NEK10: variants seen among roughly 807,000 people sequenced by gnomAD.
NEK10 encodes serine/threonine-protein kinase Nek10.
Under a neutral mutation model 159.8 loss-of-function variants are expected in NEK10, and 122 were observed. The ratio of observed to expected loss-of-function variants is 0.76; its 90% CI spans 0.66 to 0.89. The LOEUF is 0.89. Among genes scored for constraint, NEK10 ranks in the 40% least tolerant of loss-of-function variants. NEK10 has a pLI of 0.00. For synonymous variants in NEK10, 466 were observed against 457.1 expected (o/e 1.02, Z -0.25); for missense variants, 1,342 against 1,323.1 (o/e 1.01, Z -0.22).
chr3:27,124,293 A>G (rs1359492664), intron 32 of NEK10, among the ~76,000 whole-genome samples: 1 of 152,204 alleles, frequency 6.6e-6, no homozygotes, highest in Admixed American at 6.5e-5. Context: ...AAGATCAGCA[A>G]AGAAGCTGTG....
At chr3:27,264,422 T>C (rs2040703154) in intron 22 of NEK10, among the ~76,000 whole-genome samples, 1 of 152,022 alleles carries the variant, frequency 6.6e-6, no homozygotes, top group Non-Finnish European at 1.5e-5. Context: ...TCCAGTGACA[T>C]ATAAAAAGCA....
At chr3:27,116,166 T>C (rs1185382838) in intron 33 of NEK10, 39 bp from the exon 34 acceptor site, 1 of 1,589,548 alleles carries the variant, frequency 6.3e-7, no homozygotes, top group South Asian at 1.1e-5. Flanking sequence ...ACATTTGGGT[T>C]CACATTTTCT....
chr3:27,174,791 C>T lies in NEK10; in HGVS notation c.2548G>A (p.Ala850Thr), dbSNP rs757113691. Residue 850 changes from alanine (A) to threonine (T), a missense_variant, in exon 27 of 36, where the codon GCA becomes ACA. Ala to Thr is a moderately conservative substitution (Grantham distance 58). Transcript: ENST00000691995. ...KASLSSSSSG[A>T]ASLKSELSES... The stretch of plus-strand genomic sequence containing the variant: ...GAAAGTTCACTTTTCAGGCTGGCTG[C>T]TCCACTGCTGCTGCTACTCAAACTT... 12 of 1,609,496 alleles carry T rather than the reference C, an allele frequency of 7.5e-6. No individual in the cohort carries two copies. In the East Asian group the frequency reaches 2.5e-4, roughly 33 times the overall value.
intron 1 of NEK10, among the ~76,000 whole-genome samples, chr3:27,358,763 A>C (rs1481443025): frequency 6.6e-6 from 1 of 152,368 alleles, no homozygotes; most frequent in Non-Finnish European, 1.5e-5. Context: ...TATTTACTAA[A>C]TATAAAACAG....
At chr3:27,113,622 T>A (rs1365261024) in intron 35 of NEK10, among the ~76,000 whole-genome samples, 2 of 152,140 alleles carry the variant, frequency 1.3e-5, no homozygotes, top group Non-Finnish European at 2.9e-5. Context: ...TATAACTGAA[T>A]AATTTTTTGC....
intron 13 of NEK10, 65 bp from the exon 14 acceptor site, chr3:27,297,305 C>T: frequency 9.6e-7 from 1 of 1,038,346 alleles, no homozygotes; most frequent in Non-Finnish European, 1.5e-6. Context: ...CACATAAATA[C>T]TCTTACTCCA....
At chr3:27,257,359 T>C (rs542494032) in intron 22 of NEK10, among the ~76,000 whole-genome samples, 1 of 152,222 alleles carries the variant, frequency 6.6e-6, no homozygotes, top group Non-Finnish European at 1.5e-5. Context: ...AGTGCAAGAA[T>C]TCAAGTTGTT....
At position 27,192,125 on chromosome 3, in the gene NEK10, C is replaced by T; in HGVS notation, c.2409G>A (p.Lys803=). ...NLSTSQLSLE[K]KLERERRRTQ... The stretch of plus-strand genomic sequence containing the variant: ...TGCGTCTTCGTTCCCGTTCTAGCTT[C>T]TTTTCCAAGGACAACTGGGATGTAG... The change falls in exon 26 of 36, where the codon AAG becomes AAA. Residue 803 remains lysine, a synonymous_variant. Coordinates refer to ENST00000691995, the MANE Select transcript of NEK10 (RefSeq NM_001394966.1). The T allele has an allele frequency of 6.2e-7, 1 of 1,614,198 alleles. No homozygotes were observed. The highest frequency in any genetic ancestry group is 8.5e-7 in the Non-Finnish European group (1 of 1,180,026).
intron 35 of NEK10, among the ~76,000 whole-genome samples, chr3:27,115,197 A>G (rs1401496877): frequency 6.6e-6 from 1 of 152,200 alleles, no homozygotes. Context: ...TACATATTCT[A>G]TATCAGCTCT....
At chr3:27,301,656 A>T in intron 13 of NEK10, 40 bp downstream of exon 13, 1 of 1,401,478 alleles carries the variant, frequency 7.1e-7, no homozygotes, top group Non-Finnish European at 9.9e-7. Context: ...ATAATACAAC[A>T]CAATAAATTA....
At chr3:27,309,091 C>G (rs1386424117) in intron 9 of NEK10, 86 bp from the exon 10 acceptor site, 12 of 687,474 alleles carry the variant, frequency 1.7e-5, no homozygotes, top group Non-Finnish European at 3.0e-5. Context: ...TTTTCCATTA[C>G]CAGCTGCTTG....
At chr3:27,202,736 G>A (rs1223308988) in intron 23 of NEK10, 179 bp from the exon 24 acceptor site, 15 of 412,060 alleles carry the variant, frequency 3.6e-5, no homozygotes. Context: ...GATGAACCAG[G>A]AAGCATATCA....
intron 23 of NEK10, among the ~76,000 whole-genome samples, chr3:27,248,939 C>T (rs1955377519): frequency 6.6e-6 from 1 of 152,122 alleles, no homozygotes. Context: ...CTGTCCAATG[C>T]TATGGGGTAT....
At chr3:27,150,996 G>C (rs906866771) in intron 30 of NEK10, among the ~76,000 whole-genome samples, 2 of 152,172 alleles carry the variant, frequency 1.3e-5, no homozygotes, top group Non-Finnish European at 2.9e-5. Flanking sequence ...TCCAGCTGCA[G>C]CAAGATCTGC....
At chr3:27,138,597 C>T (rs1488304155) in intron 31 of NEK10, among the ~76,000 whole-genome samples, 2 of 152,170 alleles carry the variant, frequency 1.3e-5, no homozygotes, top group African/African-American at 4.8e-5. Context: ...TTAAACCTTC[C>T]CTGTTGAAAC....
chr3:27,180,810 A>G (rs186804602), intron 26 of NEK10, among the ~76,000 whole-genome samples: 1 of 152,098 alleles, frequency 6.6e-6, no homozygotes, highest in East Asian at 1.9e-4. Context: ...TTCTTAACCA[A>G]TTTCCCTGAT....
At position 27,297,243 on chromosome 3, in the gene NEK10, G is replaced by A. The variant is rs370072192; in HGVS notation, c.1169-3C>T. On this transcript the variant is annotated splice_region_variant and splice_polypyrimidine_tract_variant and intron_variant, in intron 13 of 35. Transcript: ENST00000691995. Reference sequence around the variant, plus strand: ...CTCAGTGAGGGCAGCACAGCAGGCTGGAATGACAACAATCAAATGCATAGT... The same window carrying A: ...CTCAGTGAGGGCAGCACAGCAGGCTAGAATGACAACAATCAAATGCATAGT... 13 of 1,607,642 alleles carry A rather than the reference G, an allele frequency of 8.1e-6. No individual in the cohort carries two copies. Among genetic ancestry groups the A allele is most frequent in the African/African-American group, 1.3e-5 (1 of 74,734 alleles).
intron 23 of NEK10, among the ~76,000 whole-genome samples, chr3:27,219,628 T>A (rs1951891229): frequency 6.6e-6 from 1 of 152,214 alleles, no homozygotes. Context: ...GATTTTGTTT[T>A]TTAATTTATA....
intron 1 of NEK10, among the ~76,000 whole-genome samples, chr3:27,368,412 G>A (rs1466080051): frequency 6.6e-6 from 1 of 152,100 alleles, no homozygotes; most frequent in Non-Finnish European, 1.5e-5. Context: ...AATCGGAGAA[G>A]CCAGATGGGT....
Sources: gnomAD v4.1 joint callset for allele counts (sites outside exome capture counted in the v4.1 genomes callset) on GRCh38, gnomAD v4.1.1 for gene constraint, MANE v1.5 for transcripts, NCBI Gene and HGNC (gene_info 2026-07-23, HGNC 2026-07-21) for gene names.